The following PHF3 variants were observed in gnomAD, a reference collection of about 807,000 sequenced individuals.
PHF3 encodes PHD finger protein 3.
Under a neutral mutation model 178.4 loss-of-function variants are expected in PHF3, and 41 were observed. The ratio of observed to expected loss-of-function variants is 0.23; its 90% CI spans 0.18 to 0.30. The LOEUF is 0.30. Among genes scored for constraint, PHF3 ranks in the 10% least tolerant of loss-of-function variants. The probability of loss-of-function intolerance (pLI) is 1.00; values close to 1 mark genes in which losing one functional copy is unlikely to be tolerated. For missense variants in PHF3, 2,346 were observed against 2,398.1 expected (o/e 0.98, Z 0.45); for synonymous variants, 842 against 800.5 (o/e 1.05, Z -0.88).
chr6:63,681,854 A>C (rs1227975676), intron 3 of PHF3, among the ~76,000 whole-genome samples: 1 of 152,068 alleles, frequency 6.6e-6, no homozygotes, highest in Non-Finnish European at 1.5e-5. Context: ...TAAAATTATG[A>C]AACTTCTAAG....
At position 63,680,163 on chromosome 6, in the gene PHF3, T is replaced by C. The variant is rs1163003318; in HGVS notation, c.406+2T>C. Reference sequence around the variant, plus strand: ...AATCACCTCGTTTAATGGCACAAGGTAATCCTTTGAGAGAGGTCTAGCTAG... The same window carrying C: ...AATCACCTCGTTTAATGGCACAAGGCAATCCTTTGAGAGAGGTCTAGCTAG... On this transcript the variant is annotated splice_donor_variant, in intron 3 of 15. Transcript: ENST00000262043. LOFTEE classifies it high-confidence loss of function. 6.3e-7 allele frequency: 1 copy of C among 1,599,170 alleles called. No individual in the cohort carries two copies. Among genetic ancestry groups the C allele is most frequent in the South Asian group, 1.1e-5 (1 of 88,490 alleles).
Position 63,720,718 on chromosome 6 carries a change from TAAA to T in PHF3, c.*7013_*7015del. 1 of 1,549,090 alleles carries T rather than the reference TAAA, an allele frequency of 6.5e-7. No homozygotes were observed. The highest frequency in any genetic ancestry group is 8.7e-7 in the Non-Finnish European group (1 of 1,146,038). ...TTAATTTTGCCAACAAAATTGGTTT[TAAA>T]AATCTCTTGAGTAACGATATTTACC... is the stretch of plus-strand genomic sequence containing the variant. On this transcript the variant is annotated 3_prime_UTR_variant, in exon 16 of 16. Transcript: ENST00000262043.
At chr6:63,653,799 G>A (rs1322194601) in intron 2 of PHF3, among the ~76,000 whole-genome samples, 1 of 152,066 alleles carries the variant, frequency 6.6e-6, no homozygotes, top group East Asian at 1.9e-4. Flanking sequence ...GTTGAGATAT[G>A]TTTATTTTAT....
rs1364300619 is a variant in PHF3 at position 63,722,511 on chromosome 6, A to G, written c.*8803A>G. 2.6e-5 allele frequency among the ~76,000 whole-genome samples: 4 copies of G among 152,190 alleles called. No homozygotes were observed. Among genetic ancestry groups the G allele is most frequent in the African/African-American group, 9.6e-5 (4 of 41,460 alleles). ...AGGAACAAATACCATCCAGCATCTG[A>G]AGTTGCAATGAGGCATTCAGAAGAA... On this transcript the variant is annotated 3_prime_UTR_variant, in exon 16 of 16. Transcript: ENST00000262043.
chr6:63,712,837 C>G lies in PHF3; in HGVS notation c.5249C>G (p.Thr1750Ser), dbSNP rs1768014790. The change falls in exon 16 of 16, where the codon ACT (threonine) becomes AGT (serine). Residue 1750 changes from threonine to serine, a missense_variant. Coordinates refer to ENST00000262043, the MANE Select transcript of PHF3 (RefSeq NM_001370348.2). ...GATATTTTAATGCAAAATATTGAAA[C>G]TGTGCACCCATTTCGAAGAGGATCA... Reference protein sequence around the residue: ...QEDILMQNIETVHPFRRGSAV... With the variant: ...QEDILMQNIESVHPFRRGSAV... 1 of 1,614,028 alleles carries G rather than the reference C, an allele frequency of 6.2e-7. No homozygotes were observed. The highest frequency in any genetic ancestry group is 8.5e-7 in the Non-Finnish European group (1 of 1,179,968).
intron 2 of PHF3, among the ~76,000 whole-genome samples, chr6:63,664,214 C>CT (rs1043040265): frequency 1.3e-5 from 2 of 152,134 alleles, no homozygotes; most frequent in Non-Finnish European, 2.9e-5. Flanking sequence ...GACTACTAGG[C>CT]TTTTTTTCAG....
chr6:63,666,436 C>T (rs542585419), intron 2 of PHF3, among the ~76,000 whole-genome samples: 2 of 151,414 alleles, frequency 1.3e-5, no homozygotes, highest in Non-Finnish European at 1.5e-5. Flanking sequence ...ATATTTGCTT[C>T]GTGTTTGTCA....
In PHF3 at chr6:63,715,562, A is replaced by G. The variant is rs1354806991; in HGVS notation, c.*1854A>G. The stretch of plus-strand genomic sequence containing the variant: ...ACGAGTGGGTTAATGAATGAAAACA[A>G]GCTTTTAGGTCAGTTTTTGATCACC... On this transcript the variant is annotated 3_prime_UTR_variant, in exon 16 of 16. Transcript: ENST00000262043. 1 of 152,140 alleles carries G rather than the reference A, an allele frequency of 6.6e-6. No individual in the cohort carries two copies. The highest frequency in any genetic ancestry group is 1.5e-5 in the Non-Finnish European group (1 of 68,012). The allele number at this position is 152,140 out of a possible 1,614,324, so 9.4% of individuals were successfully genotyped here.
intron 5 of PHF3, among the ~76,000 whole-genome samples, 179 bp from the exon 6 acceptor site, chr6:63,694,402 T>C (rs900856292): frequency 1.3e-5 from 2 of 152,244 alleles, no homozygotes; most frequent in Non-Finnish European, 2.9e-5. Flanking sequence ...ATGATCTCTA[T>C]GTCCTTTGTT....
At chr6:63,704,932 G>T (rs1270579387) in intron 11 of PHF3, among the ~76,000 whole-genome samples, 6 of 152,120 alleles carry the variant, frequency 3.9e-5, no homozygotes, top group Admixed American at 3.3e-4. Context: ...ATCTTTGCTA[G>T]CATTTGGTAT....
intron 2 of PHF3, among the ~76,000 whole-genome samples, chr6:63,673,535 A>G (rs1766017164): frequency 6.6e-6 from 1 of 152,204 alleles, no homozygotes; most frequent in Non-Finnish European, 1.5e-5. Context: ...CACTTCTGTC[A>G]GCCTCTTGTC....
At position 63,722,760 on chromosome 6, in the gene PHF3, TC is replaced by T. The variant is rs555359901; in HGVS notation, c.*9055del. ...CCTCCAGAGTGCCTATTTCCACACCTCCCTCCTGCAAATGGTGTTCTTTCCT... is the reference window on the plus strand; with the variant it reads ...CCTCCAGAGTGCCTATTTCCACACCTCCTCCTGCAAATGGTGTTCTTTCCT... On this transcript the variant is annotated 3_prime_UTR_variant, in exon 16 of 16. Transcript: ENST00000262043. 3.0e-4 allele frequency among the ~76,000 whole-genome samples: 46 copies of T among 152,276 alleles called. No homozygotes were observed. In the South Asian group the frequency reaches 9.3e-3, roughly 31 times the overall value.
At chr6:63,694,837 C>G (rs1418316426) in intron 6 of PHF3, 73 bp downstream of exon 6, 3 of 898,452 alleles carry the variant, frequency 3.3e-6, no homozygotes, top group East Asian at 3.6e-5. Flanking sequence ...AATTAGTATA[C>G]TTAGGGAATT....
intron 2 of PHF3, among the ~76,000 whole-genome samples, chr6:63,666,708 GA>G (rs909377576): frequency 6.7e-6 from 1 of 148,800 alleles, no homozygotes; most frequent in Admixed American, 6.7e-5. Context: ...ATAATGACAA[GA>G]AAAAAAAGGC....
intron 5 of PHF3, among the ~76,000 whole-genome samples, chr6:63,693,460 C>A (rs1767095424): frequency 6.6e-6 from 1 of 152,078 alleles, no homozygotes. Context: ...TACTAAAATA[C>A]AAAAATTAGC....
At chr6:63,671,387 G>T (rs965943400) in intron 2 of PHF3, among the ~76,000 whole-genome samples, 1 of 152,136 alleles carries the variant, frequency 6.6e-6, no homozygotes, top group Admixed American at 6.5e-5. Context: ...TGTGGCTTTG[G>T]CCATTACTCT....
chr6:63,670,518 C>T (rs1358444151), intron 2 of PHF3, among the ~76,000 whole-genome samples: 1 of 152,014 alleles, frequency 6.6e-6, no homozygotes, highest in Non-Finnish European at 1.5e-5. Context: ...GATCTCCTGA[C>T]CTTGTGATCC....
At chr6:63,663,357 T>A (rs570048825) in intron 2 of PHF3, among the ~76,000 whole-genome samples, 19 of 152,288 alleles carry the variant, frequency 1.2e-4, no homozygotes, top group Admixed American at 6.5e-4. Context: ...GGATAGCTTC[T>A]GTACCCGCCA....
rs1191988697 is a variant in PHF3, at chr6:63,715,100, CTTAAAGA to C, written c.*1396_*1402del. The C allele has an allele frequency of 6.6e-6, 1 of 152,010 alleles. No individual in the cohort carries two copies. Among genetic ancestry groups the C allele is most frequent in the Non-Finnish European group, 1.5e-5 (1 of 67,972 alleles). 9.4% of individuals were successfully genotyped at this position (152,010 alleles called of 1,614,324 possible). Reference sequence around the variant, plus strand: ...CAAAATTGATTGTTTTCCTAAAGAGCTTAAAGATTAGAGTTAAAAATTGGTTTTGAAA... The same window carrying C: ...CAAAATTGATTGTTTTCCTAAAGAGCTTAGAGTTAAAAATTGGTTTTGAAA... On this transcript the variant is annotated 3_prime_UTR_variant, in exon 16 of 16. Coordinates refer to ENST00000262043, the MANE Select transcript of PHF3 (RefSeq NM_001370348.2).
Sources: allele counts gnomAD v4.1 joint callset (sites outside exome capture counted in the v4.1 genomes callset), GRCh38; gene constraint gnomAD v4.1.1; transcripts MANE v1.5; gene names NCBI Gene and HGNC (gene_info 2026-07-23, HGNC 2026-07-21).